Variants in SYMPK observed in about 807,000 individuals in gnomAD.
The protein encoded by SYMPK is symplekin scaffold protein.
A neutral mutation model predicts 136.4 loss-of-function variants in SYMPK; 49 were observed. The ratio of observed to expected loss-of-function variants is 0.36; its 90% CI spans 0.29 to 0.46. The LOEUF (loss-of-function observed/expected upper bound fraction) is 0.46, where lower values mean the gene tolerates loss of function less well. SYMPK is among the 20% of genes least tolerant of loss of function. The pLI, the probability that SYMPK is intolerant of heterozygous loss-of-function variation, is 1.00. For synonymous variants in SYMPK, 766 were observed against 713.0 expected, an observed-to-expected ratio of 1.07 and a Z score of -1.19; for missense variants, 1,365 against 1,690.0, an observed-to-expected ratio of 0.81 and a Z score of 3.37.
chr19:45,852,322 C>T lies in SYMPK; in HGVS notation c.289G>A (p.Glu97Lys). ...EVRKFVIGFI[E>K]EACKRDIELL... ...TGCCTCGCCCCATACCATGCCTCCTCGATGAAGCCGATGACAAATTTTCGC... is the reference window on the plus strand; with the variant it reads ...TGCCTCGCCCCATACCATGCCTCCTTGATGAAGCCGATGACAAATTTTCGC... The change falls in exon 5 of 27, where the codon GAG becomes AAG. Residue 97 changes from glutamate to lysine, a missense_variant. Glu to Lys is a moderately conservative substitution (Grantham distance 56). Coordinates refer to ENST00000245934, the MANE Select transcript of SYMPK (RefSeq NM_004819.3). The T allele has an allele frequency of 2.5e-6, 4 of 1,614,224 alleles. No individual in the cohort carries two copies. Among genetic ancestry groups the T allele is most frequent in the East Asian group, 2.2e-5 (1 of 44,886 alleles).
chr19:45,854,437 G>A lies in SYMPK; in HGVS notation c.59C>T (p.Thr20Ile), dbSNP rs753574765. The A allele has an allele frequency of 1.8e-5, 29 of 1,614,048 alleles. No homozygotes were observed. Among genetic ancestry groups the A allele is most frequent in the Non-Finnish European group, 2.4e-5 (28 of 1,180,028 alleles). The change falls in exon 2 of 27, where the codon ACT becomes ATT. Residue 20 changes from threonine to isoleucine, a missense_variant. Thr to Ile is a moderately conservative substitution (Grantham distance 89). Transcript: ENST00000245934. Reference protein sequence around the residue: ...TRRSVASQFFTQEEGPGIDGM... With the variant: ...TRRSVASQFFIQEEGPGIDGM... Reference sequence around the variant, plus strand: ...ATCGATGCCCGGCCCCTCCTCTTGAGTGAAAAACTGTGATGCCACGCTCCG... The same window carrying A: ...ATCGATGCCCGGCCCCTCCTCTTGAATGAAAAACTGTGATGCCACGCTCCG...
intron 11 of SYMPK, among the ~76,000 whole-genome samples, chr19:45,833,343 C>T (rs892133414): frequency 6.6e-6 from 1 of 152,096 alleles, no homozygotes; most frequent in Non-Finnish European, 1.5e-5. Flanking sequence ...GGCTCACACC[C>T]GAAATCCCAG....
At chr19:45,823,687 CAG>C in intron 19 of SYMPK, 78 bp downstream of exon 19, 1 of 1,289,380 alleles carries the variant, frequency 7.8e-7, no homozygotes, top group Non-Finnish European at 1.1e-6. Flanking sequence ...TCTGGGGACC[CAG>C]CAGCTCAGAT....
Position 45,829,016 on chromosome 19 carries a change from T to A in SYMPK, c.1939A>T (p.Ile647Phe), listed in dbSNP as rs1386123704. ...TCCTGCAGGCCAGACAACAGGCGGA[T>A]GAGGCAGTCCTCATACTTGTCCAGG... ...GSLDKYEDCL[I>F]RLLSGLQEKP... Residue 647 changes from isoleucine (I) to phenylalanine (F), a missense_variant, in exon 14 of 27, where the codon ATC becomes TTC. Physicochemically the swap from Ile to Phe is conservative, Grantham distance 21. Coordinates refer to ENST00000245934, the MANE Select transcript of SYMPK (RefSeq NM_004819.3). 1.9e-6 allele frequency: 3 copies of A among 1,614,050 alleles called. No homozygotes were observed. The highest frequency in any genetic ancestry group is 2.5e-6 in the Non-Finnish European group (3 of 1,180,032).
intron 20 of SYMPK, 51 bp downstream of exon 20, chr19:45,823,321 C>G (rs1167715809): frequency 6.4e-7 from 1 of 1,571,952 alleles, no homozygotes; most frequent in East Asian, 2.2e-5. Context: ...CTGCCCCTCC[C>G]AGTCCCACAT....
chr19:45,844,920 G>A (rs1283928099), intron 7 of SYMPK, among the ~76,000 whole-genome samples: 1 of 152,148 alleles, frequency 6.6e-6, no homozygotes, highest in African/African-American at 2.4e-5. Context: ...TATAGTAGGT[G>A]TAAATAATTA....
intron 11 of SYMPK, among the ~76,000 whole-genome samples, chr19:45,832,246 A>G (rs1183258631): frequency 1.3e-5 from 2 of 152,042 alleles, no homozygotes; most frequent in Non-Finnish European, 2.9e-5. Flanking sequence ...GGTCCAAGCC[A>G]TTTTCCCACC....
rs756184196 is a variant in SYMPK, at chr19:45,852,432, C to T, written c.226-47G>A. The T allele has an allele frequency of 3.1e-6, 5 of 1,614,068 alleles. No homozygotes were observed. The African/African-American group carries it at 5.3e-5, about 17-fold the overall frequency. On this transcript the variant is annotated intron_variant, in intron 4 of 26. Coordinates refer to ENST00000245934, the MANE Select transcript of SYMPK (RefSeq NM_004819.3). ...TGGATCAGGGCTACACAAGGATCCA[C>T]ATCCCCTTTCCCCTACACCACACCC...
At chr19:45,832,150 G>GT (rs1412620510) in intron 11 of SYMPK, among the ~76,000 whole-genome samples, 5 of 151,868 alleles carry the variant, frequency 3.3e-5, no homozygotes, top group East Asian at 3.9e-4. Flanking sequence ...GCCCTCAGCT[G>GT]TTTTTTTTGG....
intron 10 of SYMPK, among the ~76,000 whole-genome samples, chr19:45,835,877 ACTCCAGC>A (rs1568616792): frequency 6.6e-6 from 1 of 151,600 alleles, no homozygotes; most frequent in African/African-American, 2.4e-5. Context: ...GCGCTACTGC[ACTCCAGC>A]CTGGGTGACA....
rs1568613101 is a variant in SYMPK, at chr19:45,829,114, GC to G, written c.1840del (p.Ala614ProfsTer89). 1 of 1,614,206 alleles carries G rather than the reference GC, an allele frequency of 6.2e-7. No individual in the cohort carries two copies. The highest frequency in any genetic ancestry group is 1.3e-5 in the African/African-American group (1 of 75,058). ...VLSFILEDVR[A>X]RLDLAFAWLY... Reference sequence around the variant, plus strand: ...CCAGGCGAAGGCCAGGTCCAGGCGGGCCCGCACATCCTCCAGGATGAAGGAC... The same window carrying G: ...CCAGGCGAAGGCCAGGTCCAGGCGGGCCGCACATCCTCCAGGATGAAGGAC... On this transcript the variant is annotated frameshift_variant, in exon 14 of 27. Coordinates refer to ENST00000245934, the MANE Select transcript of SYMPK (RefSeq NM_004819.3). LOFTEE classifies it high-confidence loss of function.
At chr19:45,848,309 T>A (rs1971615552) in intron 6 of SYMPK, among the ~76,000 whole-genome samples, 1 of 152,228 alleles carries the variant, frequency 6.6e-6, no homozygotes, top group Non-Finnish European at 1.5e-5. Context: ...GGTGATTAAA[T>A]GGATTCATTC....
At chr19:45,815,791 CCACCTT>C in intron 26 of SYMPK, 54 bp downstream of exon 26, 1 of 1,590,328 alleles carries the variant, frequency 6.3e-7, no homozygotes, top group Middle Eastern at 1.7e-4. Context: ...CCCTCCTCCC[CCACCTT>C]CACCCCGGCC....
intron 1 of SYMPK, among the ~76,000 whole-genome samples, chr19:45,859,248 C>T (rs1241306292): frequency 6.7e-6 from 1 of 150,026 alleles, no homozygotes; most frequent in East Asian, 2.0e-4. Context: ...AATAGCTATA[C>T]TTGTTCTACT....
chr19:45,842,027 G>T (rs1241678877), intron 9 of SYMPK, among the ~76,000 whole-genome samples: 2 of 151,992 alleles, frequency 1.3e-5, no homozygotes, highest in East Asian at 3.9e-4. Flanking sequence ...ATTAGAGACA[G>T]GGTTTTGCCA....
At position 45,821,232 on chromosome 19, in the gene SYMPK, G is replaced by A. The variant is rs1329073933; in HGVS notation, c.2893+152C>T. The A allele has an allele frequency of 1.4e-6, 1 of 709,548 alleles. No homozygotes were observed. Among genetic ancestry groups the A allele is most frequent in the Admixed American group, 2.0e-5 (1 of 49,378 alleles). 44.0% of individuals were successfully genotyped at this position (709,548 alleles called of 1,614,324 possible). On this transcript the variant is annotated intron_variant, in intron 22 of 26. Transcript: ENST00000245934. The surrounding 1 kb of genome is among the most constrained non-coding windows in gnomAD (Gnocchi z 4.4). ...AGGGAAGAGGAGGCAAGAAAAGGAG[G>A]GAGGGAGGGAGGTGGCTCTCCAGAG...
Position 45,829,106 on chromosome 19 carries a change from C to A in SYMPK, c.1849G>T (p.Asp617Tyr). ...FILEDVRARL[D>Y]LAFAWLYQEY... ...TGGTAGAGCCAGGCGAAGGCCAGGT[C>A]CAGGCGGGCCCGCACATCCTCCAGG... Residue 617 changes from aspartate (D) to tyrosine (Y), a missense_variant, in exon 14 of 27, where the codon GAC becomes TAC. By Grantham distance (160) the Asp-to-Tyr change is radical (BLOSUM62 -3). This residue lies in a region of SYMPK where 303 missense variants were observed against 326.6 expected (regional missense o/e 0.93). Coordinates refer to ENST00000245934, the MANE Select transcript of SYMPK (RefSeq NM_004819.3). 1 of 1,614,184 alleles carries A rather than the reference C, an allele frequency of 6.2e-7. No homozygotes were observed. Among genetic ancestry groups the A allele is most frequent in the South Asian group, 1.1e-5 (1 of 91,082 alleles).
Position 45,816,503 on chromosome 19 carries a change from C to A in SYMPK, c.3333G>T (p.Ala1111=), listed in dbSNP as rs747629960. The part of the protein sequence containing the change: ...SGKQEPEAKE[A]PAGPLEEDDL... Reference sequence around the variant, plus strand: ...TCACCTCCTCCAAGGGCCCCGCAGGCGCCTCCTTGGCCTCTGGCTCCTGCT... The same window carrying A: ...TCACCTCCTCCAAGGGCCCCGCAGGAGCCTCCTTGGCCTCTGGCTCCTGCT... The change falls in exon 25 of 27, where the codon GCG becomes GCT. Residue 1111 remains alanine (A), a synonymous_variant. Transcript: ENST00000245934. The A allele has an allele frequency of 6.2e-7, 1 of 1,613,108 alleles. No individual in the cohort carries two copies. Among genetic ancestry groups the A allele is most frequent in the Admixed American group, 1.7e-5 (1 of 60,000 alleles).
intron 23 of SYMPK, among the ~76,000 whole-genome samples, chr19:45,817,415 C>CTTTTTTT (rs1568605953): frequency 1.0e-5 from 1 of 100,174 alleles, no homozygotes; most frequent in African/African-American, 3.9e-5. Context: ...TTTTTTTGTT[C>CTTTTTTT]TCTTTTTTTT....
Sources: gnomAD v4.1 joint callset for allele counts (sites outside exome capture counted in the v4.1 genomes callset) on GRCh38, gnomAD v4.1.1 for gene constraint, gnomAD v4.1.1 regional missense constraint, Gnocchi (gnomAD v3.1) non-coding constraint, MANE v1.5 for transcripts, NCBI Gene and HGNC (gene_info 2026-07-23, HGNC 2026-07-21) for gene names.